MPP7: variants seen among roughly 807,000 people sequenced by gnomAD.
The protein encoded by MPP7 is MAGUK p55 scaffold protein 7, also known as MAGUK p55 subfamily member 7.
MPP7 carries 60 observed loss-of-function variants against 76.5 expected under a neutral mutation model. The ratio of observed to expected loss-of-function variants is 0.78; its 90% CI spans 0.64 to 0.97. The LOEUF (loss-of-function observed/expected upper bound fraction) is 0.97. MPP7 is among the 50% of genes least tolerant of loss of function. The pLI is 0.00. For synonymous variants in MPP7, 237 were observed against 244.5 expected, an observed-to-expected ratio of 0.97 and a Z score of 0.29; for missense variants, 641 against 694.0, an observed-to-expected ratio of 0.92 and a Z score of 0.86.
chr10:28,141,977 T>TA (rs1219828444), intron 5 of MPP7, among the ~76,000 whole-genome samples: 23 of 150,994 alleles, frequency 1.5e-4, no homozygotes, highest in South Asian at 2.1e-4. Context: ...TCCACTTGAA[T>TA]AAAAAAAAAC....
At chr10:28,313,113 C>T (rs961765477) in intron 2 of MPP7, among the ~76,000 whole-genome samples, 1 of 152,158 alleles carries the variant, frequency 6.6e-6, no homozygotes, top group Non-Finnish European at 1.5e-5. Context: ...TGTCTAGCAC[C>T]TTTATCCAAA....
At chr10:28,297,377 T>C (rs1841058148) in intron 1 of MPP7, among the ~76,000 whole-genome samples, 1 of 152,154 alleles carries the variant, frequency 6.6e-6, no homozygotes, top group Admixed American at 6.5e-5. Context: ...TGCTGAAAGA[T>C]GGATGGCTGT....
chr10:28,067,204 A>C (rs1173284296), intron 13 of MPP7, among the ~76,000 whole-genome samples: 1 of 152,214 alleles, frequency 6.6e-6, no homozygotes, highest in East Asian at 1.9e-4. Context: ...TTTCTGGTGG[A>C]TATGTAATAC....
intron 11 of MPP7, among the ~76,000 whole-genome samples, chr10:28,101,431 G>A (rs1853819888): frequency 6.6e-6 from 1 of 152,004 alleles, no homozygotes; most frequent in Non-Finnish European, 1.5e-5. Context: ...ACAGAAATAA[G>A]AAACAGATTA....
At chr10:28,215,938 A>G (rs1838294581) in intron 2 of MPP7, among the ~76,000 whole-genome samples, 1 of 152,214 alleles carries the variant, frequency 6.6e-6, no homozygotes, top group African/African-American at 2.4e-5. Flanking sequence ...ATGTAAGTTT[A>G]TCCTGCTGGA....
intron 16 of MPP7, among the ~76,000 whole-genome samples, chr10:28,055,651 C>G (rs1217049571): frequency 1.3e-5 from 2 of 152,054 alleles, no homozygotes; most frequent in Admixed American, 1.3e-4. Context: ...TTATCCTATA[C>G]CCAAAATAGT....
chr10:28,240,585 T>A (rs1293666677), intron 1 of MPP7, among the ~76,000 whole-genome samples: 1 of 152,054 alleles, frequency 6.6e-6, no homozygotes, highest in Non-Finnish European at 1.5e-5. Flanking sequence ...AAATGCCAAA[T>A]GAAAATATAG....
intron 3 of MPP7, among the ~76,000 whole-genome samples, chr10:28,192,932 G>C (rs73608064): frequency 0.013 from 2,006 of 152,192 alleles, 45 homozygotes; most frequent in African/African-American, 0.046. Flanking sequence ...ATAGATAATG[G>C]AACACAATTA....
chr10:28,215,195 T>C (rs1039790535), intron 2 of MPP7, among the ~76,000 whole-genome samples: 5 of 152,108 alleles, frequency 3.3e-5, no homozygotes, highest in Admixed American at 6.6e-5. Context: ...GGAGATTGAT[T>C]TGAATAATAA....
At chr10:28,232,885 T>C (rs1053247888) in intron 2 of MPP7, among the ~76,000 whole-genome samples, 1 of 152,216 alleles carries the variant, frequency 6.6e-6, no homozygotes, top group Admixed American at 6.5e-5. Context: ...TGCTGGCTTA[T>C]AACCACTTTT....
rs551253510 is a variant in MPP7, at chr10:28,245,420, C to T, written c.-131-6685G>A. On this transcript the variant is annotated intron_variant, in intron 1 of 16. Coordinates refer to ENST00000683449, the MANE Select transcript of MPP7 (RefSeq NM_001318170.2). ...TGTCCCTAAAAACTGAATAATGATC[C>T]GCTGTCTTTCCCTTCCAAGTCAGAG... 2.8e-4 allele frequency among the ~76,000 whole-genome samples: 42 copies of T among 152,072 alleles called. 1 individual carries two copies. The highest frequency in any genetic ancestry group is 4.9e-4 in the Non-Finnish European group (33 of 67,980).
intron 3 of MPP7, among the ~76,000 whole-genome samples, chr10:28,201,229 T>A (rs901344943): frequency 2.6e-5 from 4 of 152,132 alleles, no homozygotes; most frequent in Non-Finnish European, 4.4e-5. Context: ...TTTCAGTAAA[T>A]TTGACAAAAG....
chr10:28,067,533 A>G (rs957823010), intron 13 of MPP7, among the ~76,000 whole-genome samples: 1 of 152,194 alleles, frequency 6.6e-6, no homozygotes, highest in Non-Finnish European at 1.5e-5. Flanking sequence ...ATATCTGTCT[A>G]AAAGTAAATC....
At chr10:28,071,772 A>G (rs1392072541) in intron 12 of MPP7, among the ~76,000 whole-genome samples, 1 of 152,186 alleles carries the variant, frequency 6.6e-6, no homozygotes, top group Non-Finnish European at 1.5e-5. Flanking sequence ...TTTGGATTTA[A>G]AAGATCAGGA....
chr10:28,132,159 T>C (rs1001406176), intron 5 of MPP7, among the ~76,000 whole-genome samples: 1 of 152,182 alleles, frequency 6.6e-6, no homozygotes, highest in East Asian at 1.9e-4. Context: ...ACAATGATGA[T>C]CAATATGACA....
At chr10:28,228,076 T>TGATCA (rs1302638461) in intron 2 of MPP7, among the ~76,000 whole-genome samples, 2 of 152,190 alleles carry the variant, frequency 1.3e-5, no homozygotes, top group Non-Finnish European at 2.9e-5. Context: ...AGTATGAATA[T>TGATCA]GATCAAATCA....
chr10:28,241,643 A>C (rs34130351), intron 1 of MPP7, among the ~76,000 whole-genome samples: 24,620 of 152,042 alleles, frequency 0.16, 2,309 homozygotes, highest in African/African-American at 0.26. Flanking sequence ...ACCAGCTGTA[A>C]AGTATGTCCT....
At chr10:28,255,702 GC>G (rs1193286496) in intron 1 of MPP7, among the ~76,000 whole-genome samples, 3 of 152,164 alleles carry the variant, frequency 2.0e-5, no homozygotes, top group African/African-American at 7.2e-5. Context: ...ACTGTGCCCA[GC>G]CCATCTTTTT....
At chr10:28,186,239 A>G (rs1049949202) in intron 3 of MPP7, among the ~76,000 whole-genome samples, 2 of 151,818 alleles carry the variant, frequency 1.3e-5, no homozygotes, top group African/African-American at 4.8e-5. Flanking sequence ...CCAGCTACTC[A>G]GGAGGCTGAG....
Sources: gnomAD v4.1 joint callset for allele counts (sites outside exome capture counted in the v4.1 genomes callset) on GRCh38, gnomAD v4.1.1 for gene constraint, MANE v1.5 for transcripts, NCBI Gene and HGNC (gene_info 2026-07-23, HGNC 2026-07-21) for gene names.